Variants in EML6 observed in about 807,000 individuals in gnomAD.
EML6 encodes EMAP like 6, also known as echinoderm microtubule-associated protein-like 6.
EML6 carries 154 observed loss-of-function variants against 240.1 expected under a neutral mutation model. The observed-to-expected ratio is 0.64, with a 90% CI of 0.56 to 0.73. The LOEUF (loss-of-function observed/expected upper bound fraction) is 0.73. EML6 is among the 30% of genes least tolerant of loss of function. The pLI, the probability that EML6 is intolerant of heterozygous loss-of-function variation, is 0.00. For missense variants in EML6, 2,964 were observed against 2,474.6 expected (o/e 1.20, Z -4.20); for synonymous variants, 1,148 against 899.0 (o/e 1.28, Z -4.95).
chr2:54,936,570 A>G (rs1238353232), intron 28 of EML6, among the ~76,000 whole-genome samples: 1 of 152,224 alleles, frequency 6.6e-6, no homozygotes, highest in Non-Finnish European at 1.5e-5. Context: ...GTACTCACTT[A>G]ACCTTTATGT....
intron 2 of EML6, among the ~76,000 whole-genome samples, chr2:54,809,968 G>A (rs969359854): frequency 6.6e-6 from 1 of 152,120 alleles, no homozygotes; most frequent in Non-Finnish European, 1.5e-5. Flanking sequence ...GTAACAAATA[G>A]TAAAGTGAAT....
At position 54,816,822 on chromosome 2, in the gene EML6, A is replaced by C. The variant is rs369858624; in HGVS notation, c.393A>C (p.Thr131=). ...CTGTGGGGTTGGATGCCAAAAACAC[A>C]GTCTGCATTTGGGACTGGAGGAAGG... ...LASVGLDAKN[T]VCIWDWRKGK... The change falls in exon 4 of 42, where the codon ACA becomes ACC. Residue 131 remains threonine (T), a synonymous_variant. Coordinates refer to ENST00000356458, the MANE Select transcript of EML6 (RefSeq NM_001039753.4). 5.9e-5 allele frequency: 91 copies of C among 1,551,554 alleles called. No homozygotes were observed. The African/African-American group carries it at 1.1e-3, about 19-fold the overall frequency.
At chr2:54,762,612 G>C (rs1668025786) in intron 2 of EML6, among the ~76,000 whole-genome samples, 1 of 152,064 alleles carries the variant, frequency 6.6e-6, no homozygotes, top group Non-Finnish European at 1.5e-5. Flanking sequence ...TTGACATTCT[G>C]CTATAATAAA....
At chr2:54,808,828 A>G (rs1326241283) in intron 2 of EML6, among the ~76,000 whole-genome samples, 1 of 152,198 alleles carries the variant, frequency 6.6e-6, no homozygotes, top group African/African-American at 2.4e-5. Context: ...TGACATCAGG[A>G]AGACATGCTT....
At chr2:54,836,736 T>A (rs1006970773) in intron 7 of EML6, among the ~76,000 whole-genome samples, 10 of 152,204 alleles carry the variant, frequency 6.6e-5, no homozygotes, top group Admixed American at 3.3e-4. Flanking sequence ...GTTGGTTGCA[T>A]GCTTTGCTGT....
intron 2 of EML6, among the ~76,000 whole-genome samples, chr2:54,790,130 T>C (rs1287326312): frequency 6.6e-6 from 1 of 152,236 alleles, no homozygotes; most frequent in African/African-American, 2.4e-5. Context: ...TCAGTTCATA[T>C]ATCTGAAAAC....
At chr2:54,884,201 A>T (rs1671995139) in intron 17 of EML6, among the ~76,000 whole-genome samples, 1 of 151,578 alleles carries the variant, frequency 6.6e-6, no homozygotes, top group East Asian at 1.9e-4. Flanking sequence ...GAGAACTCGG[A>T]CATACTTACT....
chr2:54,905,377 C>A (rs1003512894), intron 24 of EML6, among the ~76,000 whole-genome samples: 3 of 129,640 alleles, frequency 2.3e-5, no homozygotes, highest in South Asian at 2.6e-4. Context: ...CACACACACA[C>A]AAAATACCTG....
At chr2:54,865,323 A>AC (rs1287140744) in intron 13 of EML6, among the ~76,000 whole-genome samples, 1 of 150,920 alleles carries the variant, frequency 6.6e-6, no homozygotes, top group Non-Finnish European at 1.5e-5. Flanking sequence ...TGTATCTACA[A>AC]AAAAAAAAAA....
At chr2:54,902,529 G>A (rs1322477161) in intron 22 of EML6, among the ~76,000 whole-genome samples, 1 of 152,132 alleles carries the variant, frequency 6.6e-6, no homozygotes, top group African/African-American at 2.4e-5. Context: ...CTCCTGAGTA[G>A]TTGGAATTAC....
At chr2:54,862,552 G>A (rs1035171684) in intron 12 of EML6, among the ~76,000 whole-genome samples, 5 of 151,974 alleles carry the variant, frequency 3.3e-5, no homozygotes, top group African/African-American at 4.8e-5. Flanking sequence ...AACAACTTAC[G>A]TGTTACCAAC....
chr2:54,956,348 T>G (rs184885178), intron 32 of EML6, among the ~76,000 whole-genome samples: 81 of 152,150 alleles, frequency 5.3e-4, no homozygotes, highest in Non-Finnish European at 9.9e-4. Context: ...CCACTTGTAT[T>G]GGCTGCTTTT....
intron 2 of EML6, among the ~76,000 whole-genome samples, chr2:54,797,301 G>A (rs1490604389): frequency 1.3e-5 from 2 of 152,000 alleles, no homozygotes; most frequent in African/African-American, 2.4e-5. Context: ...GAGTAGCAAG[G>A]GGCCAGTATA....
chr2:54,768,627 G>A (rs755589889), intron 2 of EML6, among the ~76,000 whole-genome samples: 1 of 152,208 alleles, frequency 6.6e-6, no homozygotes, highest in Non-Finnish European at 1.5e-5. Flanking sequence ...GATGCAGAGA[G>A]TCGTGAGGCC....
At chr2:54,913,077 T>G (rs1045610622) in intron 25 of EML6, among the ~76,000 whole-genome samples, 8 of 151,476 alleles carry the variant, frequency 5.3e-5, no homozygotes, top group Non-Finnish European at 1.0e-4. Context: ...TTCTGTTTTT[T>G]TTTTTTTTTT....
intron 12 of EML6, among the ~76,000 whole-genome samples, chr2:54,862,799 A>G (rs1176612980): frequency 1.3e-5 from 2 of 152,250 alleles, no homozygotes. Flanking sequence ...AAACCTCTAT[A>G]AAACCATCAG....
chr2:54,909,150 TATC>T (rs966764251), intron 24 of EML6, among the ~76,000 whole-genome samples: 26 of 152,328 alleles, frequency 1.7e-4, no homozygotes, highest in African/African-American at 5.8e-4. Flanking sequence ...CATGGCCAAA[TATC>T]ATCTAAAATT....
intron 2 of EML6, among the ~76,000 whole-genome samples, chr2:54,784,252 G>A (rs1335672507): frequency 2.0e-5 from 3 of 152,022 alleles, no homozygotes; most frequent in African/African-American, 4.8e-5. Context: ...GGCCTGAACT[G>A]TTCTTTAATG....
Position 54,903,442 on chromosome 2 carries a change from AG to A in EML6, c.3352del (p.Val1118LeufsTer25). 1 of 1,551,862 alleles carries A rather than the reference AG, an allele frequency of 6.4e-7. No homozygotes were observed. The highest frequency in any genetic ancestry group is 8.7e-7 in the Non-Finnish European group (1 of 1,146,886). ...VDIYNVLTSK[R>X]VGICKGASSY... ...TATTTACAACGTACTTACAAGCAAA[AG>A]GGTTGGCATCTGTAAAGGTGCTTCT... is the stretch of plus-strand genomic sequence containing the variant. On this transcript the variant is annotated frameshift_variant, in exon 24 of 42. Coordinates refer to ENST00000356458, the MANE Select transcript of EML6 (RefSeq NM_001039753.4). LOFTEE classifies it high-confidence loss of function.
Sources: allele counts gnomAD v4.1 joint callset (sites outside exome capture counted in the v4.1 genomes callset), GRCh38; gene constraint gnomAD v4.1.1; transcripts MANE v1.5; gene names NCBI Gene and HGNC (gene_info 2026-07-23, HGNC 2026-07-21).